Variants in OTOP3 observed in about 807,000 individuals in gnomAD.
The protein encoded by OTOP3 is proton channel OTOP3.
A neutral mutation model predicts 50.8 loss-of-function variants in OTOP3; 41 were observed. The observed-to-expected ratio is 0.81, with a 90% confidence interval of 0.63 to 1.05. OTOP3 has a LOEUF of 1.05. OTOP3 is among the 50% of genes least tolerant of loss of function. The pLI, the probability that OTOP3 is intolerant of heterozygous loss-of-function variation, is 0.00. For missense variants in OTOP3, 788 were observed against 760.8 expected, an observed-to-expected ratio of 1.04 and a Z score of -0.42; for synonymous variants, 320 against 324.4, an observed-to-expected ratio of 0.99 and a Z score of 0.14.
chr17:74,939,836 G>T (rs2039153710), intron 1 of OTOP3, among the ~76,000 whole-genome samples: 1 of 152,106 alleles, frequency 6.6e-6, no homozygotes, highest in African/African-American at 2.4e-5. Flanking sequence ...CCTGTCCCAT[G>T]CTCTCAGAAG....
At chr17:74,945,170 C>T (rs2039213672) in intron 5 of OTOP3, among the ~76,000 whole-genome samples, 2 of 152,100 alleles carry the variant, frequency 1.3e-5, no homozygotes, top group Non-Finnish European at 2.9e-5. Context: ...AGCCCAGACT[C>T]ATCTCAAACT....
upstream of OTOP3, chr17:74,935,844 G>C (rs1029325047): frequency 6.5e-7 from 1 of 1,531,546 alleles, no homozygotes; most frequent in African/African-American, 1.4e-5. Context: ...GTCCCGCTGG[G>C]GGAGGGCGTC....
Position 74,947,238 on chromosome 17 carries a change from C to A in OTOP3, c.1329C>A (p.His443Gln). The A allele has an allele frequency of 1.2e-6, 2 of 1,613,976 alleles. No individual in the cohort carries two copies. The highest frequency in any genetic ancestry group is 1.7e-6 in the Non-Finnish European group (2 of 1,179,990). Residue 443 changes from histidine (H) to glutamine (Q), a missense_variant, in exon 6 of 7, where the codon CAC becomes CAA. Physicochemically the swap from His to Gln is conservative, Grantham distance 24. Transcript: ENST00000328801. ...LAYSLLLILQ[H>Q]IAQNLFIIEG... Reference sequence around the variant, plus strand: ...ACTCGCTGCTGCTCATCCTGCAGCACATCGCTCAGAACCTCTTCATCATCG... The same window carrying A: ...ACTCGCTGCTGCTCATCCTGCAGCAAATCGCTCAGAACCTCTTCATCATCG...
chr17:74,946,758 C>A lies in OTOP3; in HGVS notation c.849C>A (p.Cys283Ter). Reference protein sequence around the residue: ...LMLYPFSTEYCLICCAVLFVM... With the variant: ...LMLYPFSTEY Reference sequence around the variant, plus strand: ...TCTACCCCTTCAGCACTGAGTACTGCCTCATCTGCTGTGCTGTGCTGTTTG... The same window carrying A: ...TCTACCCCTTCAGCACTGAGTACTGACTCATCTGCTGTGCTGTGCTGTTTG... The change falls in exon 6 of 7, where the codon TGC becomes TGA. Residue 283 changes from cysteine (C) to a stop codon, truncating the protein, a stop_gained. Transcript: ENST00000328801. LOFTEE classifies it high-confidence loss of function. 2 of 1,613,186 alleles carry A rather than the reference C, an allele frequency of 1.2e-6. No homozygotes were observed. Among genetic ancestry groups the A allele is most frequent in the South Asian group, 2.2e-5 (2 of 91,088 alleles).
chr17:74,947,616 C>T (rs1291972187), intron 6 of OTOP3, 141 bp downstream of exon 6: 21 of 866,344 alleles, frequency 2.4e-5, no homozygotes, highest in Admixed American at 6.0e-5. Context: ...CAGTTCCCTA[C>T]AGGGTGCCTG....
At chr17:74,936,681 G>A (rs2039118659) in intron 1 of OTOP3, among the ~76,000 whole-genome samples, 1 of 152,162 alleles carries the variant, frequency 6.6e-6, no homozygotes, top group African/African-American at 2.4e-5. Context: ...ATACTGTCAG[G>A]GCAAAGACCC....
At chr17:74,941,832 G>T in intron 2 of OTOP3, 23 bp downstream of exon 2, 2 of 1,595,750 alleles carry the variant, frequency 1.3e-6, no homozygotes, top group Non-Finnish European at 1.7e-6. Flanking sequence ...TTGCTGGGGG[G>T]CTGGGCAGGG....
intron 1 of OTOP3, among the ~76,000 whole-genome samples, chr17:74,936,153 G>T (rs2039112737): frequency 6.6e-6 from 1 of 152,188 alleles, no homozygotes; most frequent in East Asian, 1.9e-4. Context: ...ACTCCTTTCC[G>T]TGGACCCGGG....
intron 1 of OTOP3, among the ~76,000 whole-genome samples, chr17:74,936,575 CT>C (rs1190002321): frequency 6.6e-6 from 1 of 152,212 alleles, no homozygotes; most frequent in Non-Finnish European, 1.5e-5. Context: ...TAAATGCCCA[CT>C]CCTGCCCCCT....
chr17:74,936,672 T>A (rs1394240043), intron 1 of OTOP3, among the ~76,000 whole-genome samples: 2 of 152,152 alleles, frequency 1.3e-5, no homozygotes, highest in Non-Finnish European at 2.9e-5. Context: ...AGACGGGGGA[T>A]ACTGTCAGGG....
chr17:74,944,946 C>A (rs1314767718), intron 5 of OTOP3, among the ~76,000 whole-genome samples: 3 of 151,670 alleles, frequency 2.0e-5, no homozygotes, highest in Admixed American at 6.6e-5. Context: ...TTTCTTCTTT[C>A]TTTCTTTTTT....
chr17:74,941,764 G>A lies in OTOP3; in HGVS notation c.391G>A (p.Ala131Thr), dbSNP rs752807031. 27 of 1,613,756 alleles carry A rather than the reference G, an allele frequency of 1.7e-5. No individual in the cohort carries two copies. The highest frequency in any genetic ancestry group is 1.3e-4 in the East Asian group (6 of 44,868). ...GGCAAGCACCACCCGCCGACCACAC[G>A]CCGTGCTCTACCAAGATCCCCACGC... ...YVASTTRRPH[A>T]VLYQDPHAGP... Residue 131 changes from alanine to threonine, a missense_variant, in exon 2 of 7, where the codon GCC becomes ACC. By Grantham distance (58) the Ala-to-Thr change is moderately conservative (BLOSUM62 0). Coordinates refer to ENST00000328801, the MANE Select transcript of OTOP3 (RefSeq NM_001272005.2).
At position 74,937,890 on chromosome 17, in the gene OTOP3, G is replaced by A. The variant is rs2144777153; in HGVS notation, c.19+1950G>A. ...AGTAGCACCAGAAGGCTTAGGCAGAGAGGAAGGCTTTCCAGGTGGGTGGGG... is the reference window on the plus strand; with the variant it reads ...AGTAGCACCAGAAGGCTTAGGCAGAAAGGAAGGCTTTCCAGGTGGGTGGGG... On this transcript the variant is annotated intron_variant, in intron 1 of 6. Transcript: ENST00000328801. Among the ~76,000 whole-genome samples, 3 of 152,306 alleles carry A rather than the reference G, an allele frequency of 2.0e-5. 1 individual carries two copies. The South Asian group carries it at 6.2e-4, about 32-fold the overall frequency.
At chr17:74,937,355 C>G (rs1380311832) in intron 1 of OTOP3, among the ~76,000 whole-genome samples, 1 of 152,170 alleles carries the variant, frequency 6.6e-6, no homozygotes, top group African/African-American at 2.4e-5. Context: ...CACTCAGGCA[C>G]AGAGTCTAAG....
chr17:74,944,196 G>A (rs8073615), intron 5 of OTOP3, among the ~76,000 whole-genome samples: 34,284 of 151,978 alleles, frequency 0.23, 4,133 homozygotes, highest in East Asian at 0.47. Context: ...TCCTATCCTA[G>A]AGGCTGCATC....
chr17:74,942,332 C>T (rs905159316), intron 3 of OTOP3, among the ~76,000 whole-genome samples: 6 of 152,250 alleles, frequency 3.9e-5, no homozygotes, highest in African/African-American at 1.4e-4. Flanking sequence ...TAAACCTTCT[C>T]TTAAGAATAC....
At chr17:74,939,625 G>A (rs1473735858) in intron 1 of OTOP3, among the ~76,000 whole-genome samples, 1 of 152,196 alleles carries the variant, frequency 6.6e-6, no homozygotes, top group East Asian at 1.9e-4. Context: ...TGACAAAGTG[G>A]TTGGCCTGTG....
At chr17:74,936,197 G>T (rs576909346) in intron 1 of OTOP3, among the ~76,000 whole-genome samples, 1 of 127,498 alleles carries the variant, frequency 7.8e-6, no homozygotes, top group Admixed American at 8.2e-5. Context: ...GACTCCTCCC[G>T]GCCGGGTCCA....
intron 1 of OTOP3, among the ~76,000 whole-genome samples, chr17:74,939,345 A>G (rs142835798): frequency 5.3e-5 from 8 of 152,194 alleles, no homozygotes; most frequent in Admixed American, 5.2e-4. Flanking sequence ...GAAGCAAGAG[A>G]ATGGGAGCAA....
Sources: gnomAD v4.1 joint callset for allele counts (sites outside exome capture counted in the v4.1 genomes callset) on GRCh38, gnomAD v4.1.1 for gene constraint, MANE v1.5 for transcripts, NCBI Gene and HGNC (gene_info 2026-07-23, HGNC 2026-07-21) for gene names.